The following APBB2 variants were observed in gnomAD, a reference collection of about 807,000 sequenced individuals.
The protein encoded by APBB2 is amyloid beta precursor protein binding family B member 2.
APBB2 carries 38 observed loss-of-function variants against 82.5 expected under a neutral mutation model. The ratio of observed to expected loss-of-function variants is 0.46; its 90% CI spans 0.36 to 0.60. The LOEUF is 0.60. APBB2 is among the 20% of genes least tolerant of loss of function. The probability of loss-of-function intolerance (pLI) is 0.00; values close to 1 mark genes in which losing one functional copy is unlikely to be tolerated. For synonymous variants in APBB2, 341 were observed against 368.2 expected, an observed-to-expected ratio of 0.93 and a Z score of 0.85; for missense variants, 772 against 972.3, an observed-to-expected ratio of 0.79 and a Z score of 2.74.
At chr4:40,857,395 A>C (rs1761625485) in intron 12 of APBB2, among the ~76,000 whole-genome samples, 1 of 152,222 alleles carries the variant, frequency 6.6e-6, no homozygotes, top group South Asian at 2.1e-4. Context: ...TGGACTCTCA[A>C]GACTTAGAAA....
intron 6 of APBB2, among the ~76,000 whole-genome samples, chr4:40,963,950 T>C (rs536804442): frequency 2.0e-5 from 3 of 152,174 alleles, no homozygotes; most frequent in Non-Finnish European, 2.9e-5. Context: ...CAGAAAGGAA[T>C]TGAAAGAAAA....
intron 3 of APBB2, among the ~76,000 whole-genome samples, chr4:41,079,273 A>G (rs1014750214): frequency 2.6e-5 from 4 of 152,230 alleles, no homozygotes; most frequent in Non-Finnish European, 5.9e-5. Context: ...AATGTACCCA[A>G]TATCTTCTCA....
At chr4:40,883,658 C>A (rs1362949638) in intron 12 of APBB2, among the ~76,000 whole-genome samples, 4 of 150,020 alleles carry the variant, frequency 2.7e-5, no homozygotes, top group African/African-American at 9.8e-5. Context: ...CTTTCAGGGA[C>A]CCCCGAATGC....
chr4:41,001,269 T>TA (rs1297321071), intron 6 of APBB2, among the ~76,000 whole-genome samples: 4 of 152,184 alleles, frequency 2.6e-5, no homozygotes, highest in African/African-American at 9.7e-5. Flanking sequence ...TCATGTCTGT[T>TA]AGAGATTAAA....
At chr4:41,133,730 G>GT (rs1756740484) in intron 2 of APBB2, among the ~76,000 whole-genome samples, 1 of 152,144 alleles carries the variant, frequency 6.6e-6, no homozygotes, top group South Asian at 2.1e-4. Flanking sequence ...CATCATAGAG[G>GT]TAAACACCTT....
chr4:41,017,769 CAG>C (rs1810420564), intron 5 of APBB2, among the ~76,000 whole-genome samples: 1 of 152,058 alleles, frequency 6.6e-6, no homozygotes, highest in African/African-American at 2.4e-5. Flanking sequence ...GGTCTTGTTG[CAG>C]AGACACACAG....
chr4:40,849,845 A>G (rs1256645620), intron 12 of APBB2, among the ~76,000 whole-genome samples: 1 of 148,988 alleles, frequency 6.7e-6, no homozygotes, highest in African/African-American at 2.5e-5. Flanking sequence ...CTCCTGCCTC[A>G]GCCTCTCGAG....
chr4:41,177,392 T>C (rs905434531), intron 1 of APBB2, among the ~76,000 whole-genome samples: 3 of 152,234 alleles, frequency 2.0e-5, no homozygotes, highest in Non-Finnish European at 2.9e-5. Flanking sequence ...AGAACTACCA[T>C]GCTTTTCTCA....
In APBB2 at chr4:40,972,253, C is replaced by T. The variant is rs367661760; in HGVS notation, c.836-27180G>A. Among the ~76,000 whole-genome samples, 322 of 151,798 alleles carry T rather than the reference C, an allele frequency of 2.1e-3. 1 individual carries two copies. Among genetic ancestry groups the T allele is most frequent in the African/African-American group, 7.3e-3 (303 of 41,410 alleles). The stretch of plus-strand genomic sequence containing the variant: ...ACCATCCTGGCTAACAAGGTGAAAC[C>T]CCGTCTCCACTAAAAATACAAAAAA... On this transcript the variant is annotated intron_variant, in intron 6 of 17. Coordinates refer to ENST00000508593, the MANE Select transcript of APBB2 (RefSeq NM_004307.2).
At chr4:41,170,402 G>C (rs966955203) in intron 1 of APBB2, among the ~76,000 whole-genome samples, 5 of 152,160 alleles carry the variant, frequency 3.3e-5, no homozygotes, top group Non-Finnish European at 7.4e-5. Context: ...CCATTTGGAA[G>C]GAAGACCAAG....
chr4:41,051,941 T>C lies in APBB2; in HGVS notation c.-51+13635A>G, dbSNP rs529605251. On this transcript the variant is annotated intron_variant, in intron 4 of 17. Transcript: ENST00000508593. ...AGATAATGAGAATATCTATACCAAA[T>C]GTCTGTTGTGGGAATTAAATAGGAG... Among the ~76,000 whole-genome samples, 4 of 152,348 alleles carry C rather than the reference T, an allele frequency of 2.6e-5. No homozygotes were observed. The South Asian group carries it at 6.2e-4, about 24-fold the overall frequency.
At chr4:40,985,792 T>C (rs1800266324) in intron 6 of APBB2, among the ~76,000 whole-genome samples, 1 of 152,180 alleles carries the variant, frequency 6.6e-6, no homozygotes, top group Non-Finnish European at 1.5e-5. Context: ...ATTATCCAAA[T>C]TTGAGTTAGA....
intron 10 of APBB2, among the ~76,000 whole-genome samples, chr4:40,910,199 T>C (rs949597625): frequency 1.3e-5 from 2 of 151,150 alleles, no homozygotes; most frequent in Non-Finnish European, 2.9e-5. Flanking sequence ...AACTCCTGAC[T>C]TCAGGTGATC....
rs370589645 is a variant in APBB2, at chr4:40,870,867, G to A, written c.1529+19497C>T. On this transcript the variant is annotated intron_variant, in intron 12 of 17. Coordinates refer to ENST00000508593, the MANE Select transcript of APBB2 (RefSeq NM_004307.2). ...CCTGCCTCAGCCTCCCGAGTAGCTGGGATAACAGGTGCATGACACCACACC... is the reference window on the plus strand; with the variant it reads ...CCTGCCTCAGCCTCCCGAGTAGCTGAGATAACAGGTGCATGACACCACACC... Among the ~76,000 whole-genome samples the A allele has an allele frequency of 5.9e-5, 9 of 151,816 alleles. No homozygotes were observed. In the East Asian group the frequency reaches 1.2e-3, roughly 20 times the overall value.
chr4:41,147,515 A>C (rs1450564308), intron 1 of APBB2, among the ~76,000 whole-genome samples: 1 of 107,034 alleles, frequency 9.3e-6, no homozygotes, highest in East Asian at 2.9e-4. Flanking sequence ...TTAAATGAGG[A>C]GTTTCCCTCT....
Position 40,832,021 on chromosome 4 carries a change from C to T in APBB2, c.1530-1444G>A, listed in dbSNP as rs879322177. 6.6e-3 allele frequency among the ~76,000 whole-genome samples: 986 copies of T among 149,808 alleles called. 12 individuals carry two copies. Among genetic ancestry groups the T allele is most frequent in the African/African-American group, 0.021 (823 of 40,106 alleles). On this transcript the variant is annotated intron_variant, in intron 12 of 17. Transcript: ENST00000508593. This position sits in a 1 kb window ranked among gnomAD's most constrained non-coding sequence, Gnocchi z 4.8. ...TTATATATTTATTTATATACACACA[C>T]ACACACACACACACACACACACACA...
At chr4:40,934,106 C>A (rs1784847871) in intron 10 of APBB2, among the ~76,000 whole-genome samples, 1 of 152,216 alleles carries the variant, frequency 6.6e-6, no homozygotes. Context: ...GGGTCTCACA[C>A]CCTACCTGTT....
At chr4:41,140,158 G>A (rs1758690247) in intron 2 of APBB2, among the ~76,000 whole-genome samples, 1 of 152,174 alleles carries the variant, frequency 6.6e-6, no homozygotes, top group South Asian at 2.1e-4. Flanking sequence ...GTTCTGGTGA[G>A]AACAGCAGCT....
chr4:40,973,836 T>C (rs1796515212), intron 6 of APBB2, among the ~76,000 whole-genome samples: 1 of 150,046 alleles, frequency 6.7e-6, no homozygotes, highest in Non-Finnish European at 1.5e-5. Flanking sequence ...TGTGTGTGTG[T>C]CTGTCTCCAA....
Sources: gnomAD v4.1 joint callset for allele counts (sites outside exome capture counted in the v4.1 genomes callset) on GRCh38, gnomAD v4.1.1 for gene constraint, Gnocchi (gnomAD v3.1) non-coding constraint, MANE v1.5 for transcripts, NCBI Gene and HGNC (gene_info 2026-07-23, HGNC 2026-07-21) for gene names.